TRDN: variants seen among roughly 807,000 people sequenced by gnomAD.
The protein encoded by TRDN is triadin.
In TRDN, 161 loss-of-function variants were observed where a neutral mutation model predicts 149.7. That is an observed-to-expected ratio of 1.08 (90% CI 0.95 to 1.23). TRDN has a LOEUF of 1.23. Ranked by LOEUF, TRDN falls within the 50% of genes most tolerant of loss-of-function variation. TRDN has a pLI of 0.00. For missense variants in TRDN, 896 were observed against 823.5 expected, an observed-to-expected ratio of 1.09 and a Z score of -1.08; for synonymous variants, 294 against 250.5, an observed-to-expected ratio of 1.17 and a Z score of -1.64.
chr6:123,563,039 A>C (rs1782084479), intron 2 of TRDN, among the ~76,000 whole-genome samples: 1 of 152,240 alleles, frequency 6.6e-6, no homozygotes, highest in South Asian at 2.1e-4. Flanking sequence ...AGTAGTTTAG[A>C]AATGTGCACT....
intron 2 of TRDN, among the ~76,000 whole-genome samples, chr6:123,552,199 A>G (rs1184035532): frequency 6.6e-6 from 1 of 152,062 alleles, no homozygotes; most frequent in Non-Finnish European, 1.5e-5. Context: ...TGCCGGGAAA[A>G]CTGCTTTAGG....
chr6:123,386,387 T>C (rs956417001), intron 14 of TRDN, among the ~76,000 whole-genome samples: 2 of 152,086 alleles, frequency 1.3e-5, no homozygotes, highest in Non-Finnish European at 2.9e-5. Flanking sequence ...ATTGTATATG[T>C]AAAATAGAGA....
At chr6:123,356,940 T>C (rs1376457638) in intron 20 of TRDN, among the ~76,000 whole-genome samples, 1 of 151,678 alleles carries the variant, frequency 6.6e-6, no homozygotes, top group Non-Finnish European at 1.5e-5. Context: ...ATTTTGACTT[T>C]TCCTGTTGTA....
intron 12 of TRDN, among the ~76,000 whole-genome samples, chr6:123,433,162 A>ATATAT (rs796874348): frequency 0.066 from 5,232 of 79,218 alleles, 474 homozygotes; most frequent in East Asian, 0.14. Flanking sequence ...ATATATATAT[A>ATATAT]ATATATATAT....
At chr6:123,531,112 G>C (rs1780232376) in intron 4 of TRDN, among the ~76,000 whole-genome samples, 1 of 151,878 alleles carries the variant, frequency 6.6e-6, no homozygotes, top group Admixed American at 6.6e-5. Context: ...TAAGTTAGTT[G>C]TACTTTTTTT....
chr6:123,351,630 T>A, intron 21 of TRDN: 1 of 959,392 alleles, frequency 1.0e-6, no homozygotes, highest in Non-Finnish European at 1.2e-6. Context: ...AGTTTACTTA[T>A]TTGACATGTG....
At chr6:123,625,622 A>G (rs1187587814) in intron 1 of TRDN, among the ~76,000 whole-genome samples, 18 of 152,184 alleles carry the variant, frequency 1.2e-4, no homozygotes, top group Admixed American at 1.2e-3. Flanking sequence ...TAACACAAAG[A>G]AAGGATAAAT....
At chr6:123,471,010 T>A (rs1033409864) in intron 9 of TRDN, 33 of 152,080 alleles carry the variant, frequency 2.2e-4, no homozygotes, top group African/African-American at 7.5e-4. Flanking sequence ...AAATAGCAAC[T>A]AAATAAGTTA....
intron 1 of TRDN, among the ~76,000 whole-genome samples, chr6:123,577,418 A>G (rs1782912470): frequency 6.6e-6 from 1 of 152,056 alleles, no homozygotes; most frequent in South Asian, 2.1e-4. Context: ...CTGTTCCTGC[A>G]TTAGTTTCCT....
At chr6:123,362,707 C>T (rs1780948454) in intron 20 of TRDN, among the ~76,000 whole-genome samples, 2 of 152,152 alleles carry the variant, frequency 1.3e-5, no homozygotes, top group Admixed American at 1.3e-4. Flanking sequence ...ACCCTGATGG[C>T]TTTCAACCTT....
intron 1 of TRDN, among the ~76,000 whole-genome samples, chr6:123,607,469 G>T (rs1253654523): frequency 6.6e-6 from 1 of 152,136 alleles, no homozygotes; most frequent in East Asian, 1.9e-4. Flanking sequence ...TAATTTAGAA[G>T]ATTACTGGGC....
chr6:123,386,184 A>G (rs1404609255), intron 14 of TRDN, among the ~76,000 whole-genome samples: 1 of 152,226 alleles, frequency 6.6e-6, no homozygotes, highest in African/African-American at 2.4e-5. Flanking sequence ...AAACACAAGT[A>G]ACATGAAGTA....
At chr6:123,499,717 AAAATAT>A (rs1305665789) in intron 8 of TRDN, among the ~76,000 whole-genome samples, 37 of 55,726 alleles carry the variant, frequency 6.6e-4, no homozygotes, top group African/African-American at 2.0e-3. Context: ...AAAAAAAAAA[AAAATAT>A]ATATATATAT....
chr6:123,444,990 T>G (rs1339571217), intron 10 of TRDN: 1 of 152,084 alleles, frequency 6.6e-6, no homozygotes, highest in African/African-American at 2.4e-5. Flanking sequence ...TCTTTTTTGG[T>G]TGTGTCTCTG....
intron 1 of TRDN, among the ~76,000 whole-genome samples, chr6:123,584,815 T>C (rs1429047873): frequency 7.9e-5 from 12 of 151,986 alleles, no homozygotes; most frequent in Non-Finnish European, 1.0e-4. Flanking sequence ...GAGGGAGGTA[T>C]TGAGGATAGG....
At chr6:123,344,860 C>G (rs1423771383) in intron 21 of TRDN, among the ~76,000 whole-genome samples, 1 of 152,000 alleles carries the variant, frequency 6.6e-6, no homozygotes, top group African/African-American at 2.4e-5. Flanking sequence ...GCCAAATTGT[C>G]TTTTTGCATT....
At chr6:123,469,321 C>T (rs1777016411) in intron 9 of TRDN, among the ~76,000 whole-genome samples, 1 of 152,106 alleles carries the variant, frequency 6.6e-6, no homozygotes. Context: ...CTATCACTTG[C>T]TTCTGTCTTG....
intron 9 of TRDN, among the ~76,000 whole-genome samples, chr6:123,465,603 AAGAGAG>A (rs66549999): frequency 1.5e-5 from 2 of 131,676 alleles, no homozygotes; most frequent in Non-Finnish European, 3.1e-5. Flanking sequence ...AAAAAAAAAA[AAGAGAG>A]AGAGAGAGAA....
intron 6 of TRDN, among the ~76,000 whole-genome samples, chr6:123,514,798 G>C: frequency 6.6e-6 from 1 of 152,110 alleles, no homozygotes; most frequent in Non-Finnish European, 1.5e-5. Context: ...GGATGAAGCT[G>C]GAAGCCATCA....
Sources: allele counts gnomAD v4.1 joint callset (sites outside exome capture counted in the v4.1 genomes callset), GRCh38; gene constraint gnomAD v4.1.1; transcripts MANE v1.5; gene names NCBI Gene and HGNC (gene_info 2026-07-23, HGNC 2026-07-21).